DHRS7B: variants seen among roughly 807,000 people sequenced by gnomAD.
DHRS7B encodes the protein dehydrogenase/reductase 7B.
A neutral mutation model predicts 26.4 loss-of-function variants in DHRS7B; 24 were observed. The ratio of observed to expected loss-of-function variants is 0.91; its 90% CI spans 0.66 to 1.28. The LOEUF (loss-of-function observed/expected upper bound fraction) is 1.28. Ranked by LOEUF, DHRS7B falls within the 50% of genes most tolerant of loss-of-function variation. The pLI is 0.00. For synonymous variants in DHRS7B, 142 were observed against 166.4 expected (o/e 0.85, Z 1.13); for missense variants, 368 against 419.4 (o/e 0.88, Z 1.07).
chr17:21,130,608 A>T (rs529225678), intron 1 of DHRS7B, among the ~76,000 whole-genome samples: 1 of 152,248 alleles, frequency 6.6e-6, no homozygotes, highest in South Asian at 2.1e-4. Context: ...TTTTTCAAAG[A>T]AATGCTGTGA....
intron 1 of DHRS7B, chr17:21,168,950 G>T (rs1974175020): frequency 1.0e-6 from 1 of 981,162 alleles, no homozygotes; most frequent in Non-Finnish European, 1.2e-6. Context: ...GTTTTAATTA[G>T]GTTGCATGAA....
chr17:21,178,091 TCC>T, intron 2 of DHRS7B, 140 bp from the exon 3 acceptor site: 1 of 759,046 alleles, frequency 1.3e-6, no homozygotes, highest in South Asian at 1.8e-5. Flanking sequence ...GGGCCCTAGC[TCC>T]CAGCTTCATG....
intron 6 of DHRS7B, among the ~76,000 whole-genome samples, chr17:21,189,090 A>ATGG (rs1974718441): frequency 6.6e-6 from 1 of 152,208 alleles, no homozygotes; most frequent in Non-Finnish European, 1.5e-5. Flanking sequence ...AGCATTCAGA[A>ATGG]CAGGACCTCT....
intron 3 of DHRS7B, among the ~76,000 whole-genome samples, chr17:21,182,213 A>G (rs918788895): frequency 6.6e-6 from 1 of 152,104 alleles, no homozygotes; most frequent in South Asian, 2.1e-4. Flanking sequence ...CCCTCGTTCT[A>G]TTAATGTGAT....
intron 1 of DHRS7B, among the ~76,000 whole-genome samples, chr17:21,157,120 T>G (rs1286819693): frequency 6.6e-6 from 1 of 152,150 alleles, no homozygotes; most frequent in Admixed American, 6.5e-5. Context: ...GATTCACTGA[T>G]GAATTCTACC....
intron 5 of DHRS7B, among the ~76,000 whole-genome samples, chr17:21,187,531 GAGA>G (rs1597760178): frequency 6.6e-6 from 1 of 151,286 alleles, no homozygotes; most frequent in African/African-American, 2.4e-5. Context: ...GAGGCTGAGG[GAGA>G]AGAACGGTGT....
chr17:21,161,706 G>C (rs900125540), intron 1 of DHRS7B, among the ~76,000 whole-genome samples: 1 of 152,214 alleles, frequency 6.6e-6, no homozygotes, highest in African/African-American at 2.4e-5. Context: ...CTGTATGACT[G>C]TCCGAAAGAG....
chr17:21,153,662 G>C (rs1973819478), intron 1 of DHRS7B, among the ~76,000 whole-genome samples: 1 of 152,154 alleles, frequency 6.6e-6, no homozygotes, highest in Non-Finnish European at 1.5e-5. Context: ...CAGGTTCACT[G>C]TCTGGTGAGG....
At chr17:21,145,273 G>A (rs774903932) in intron 1 of DHRS7B, among the ~76,000 whole-genome samples, 7 of 151,718 alleles carry the variant, frequency 4.6e-5, no homozygotes, top group Admixed American at 6.6e-5. Flanking sequence ...GGAGTAAGCC[G>A]GGATCGCGCC....
At chr17:21,143,604 CT>C (rs1206025638) in intron 1 of DHRS7B, among the ~76,000 whole-genome samples, 1 of 152,208 alleles carries the variant, frequency 6.6e-6, no homozygotes, top group African/African-American at 2.4e-5. Context: ...CATAGTTCCT[CT>C]CTCCCTATCA....
chr17:21,176,445 AC>A (rs1974381366), intron 2 of DHRS7B, among the ~76,000 whole-genome samples: 1 of 151,996 alleles, frequency 6.6e-6, no homozygotes, highest in Non-Finnish European at 1.5e-5. Flanking sequence ...CTACAAAAAT[AC>A]AAAAATTAGC....
chr17:21,167,211 C>CTGCAT (rs1974134168), intron 1 of DHRS7B, among the ~76,000 whole-genome samples: 2 of 151,926 alleles, frequency 1.3e-5, no homozygotes, highest in Non-Finnish European at 2.9e-5. Context: ...ATGAGCTGCA[C>CTGCAT]AAATGGATGT....
intron 3 of DHRS7B, among the ~76,000 whole-genome samples, chr17:21,183,134 T>C (rs1486347893): frequency 6.6e-6 from 1 of 152,212 alleles, no homozygotes; most frequent in Non-Finnish European, 1.5e-5. Context: ...TTTCAAGGAA[T>C]GTATCCATTT....
rs548900688 is a variant in DHRS7B at position 21,165,903 on chromosome 17, A to G, written c.21-6115A>G. ...TGCTCTCCAGCCTGGGCAACAGAGCAAGACTCCGTCTCCAAAAAAAAAAAA... is the reference window on the plus strand; with the variant it reads ...TGCTCTCCAGCCTGGGCAACAGAGCGAGACTCCGTCTCCAAAAAAAAAAAA... On this transcript the variant is annotated intron_variant, in intron 1 of 6. Transcript: ENST00000395511. 1.3e-4 allele frequency among the ~76,000 whole-genome samples: 19 copies of G among 141,422 alleles called. No individual in the cohort carries two copies. In the East Asian group the frequency reaches 2.5e-3, roughly 19 times the overall value. 92.8% of individuals were successfully genotyped at this position (141,422 alleles called of 152,430 possible).
At chr17:21,185,982 C>G (rs998548908) in intron 5 of DHRS7B, among the ~76,000 whole-genome samples, 3 of 152,198 alleles carry the variant, frequency 2.0e-5, no homozygotes, top group Non-Finnish European at 4.4e-5. Flanking sequence ...GCCACCGCGC[C>G]CAGCTGGAGT....
rs148330661 is a variant in DHRS7B at position 21,161,608 on chromosome 17, G to A, written c.21-10410G>A. On this transcript the variant is annotated intron_variant, in intron 1 of 6. Coordinates refer to ENST00000395511, the MANE Select transcript of DHRS7B (RefSeq NM_015510.5). Reference sequence around the variant, plus strand: ...CATTATCTTGAATCCCCAGGAAGAGGGCCTTGTGAGAGAAATAAGAAGAGA... The same window carrying A: ...CATTATCTTGAATCCCCAGGAAGAGAGCCTTGTGAGAGAAATAAGAAGAGA... 2.6e-5 allele frequency among the ~76,000 whole-genome samples: 4 copies of A among 152,236 alleles called. No homozygotes were observed. In the East Asian group the frequency reaches 7.7e-4, roughly 29 times the overall value.
rs61516968 is a variant in DHRS7B at position 21,150,105 on chromosome 17, T to TAAAAAAA, written c.21-21892_21-21886dup. On this transcript the variant is annotated intron_variant, in intron 1 of 6. Coordinates refer to ENST00000395511, the MANE Select transcript of DHRS7B (RefSeq NM_015510.5). Reference sequence around the variant, plus strand: ...AACATAACAAGGCTCCATCTCTATTTAAAAAAAAAAAAAAAAAAAAAAAAA... The same window carrying TAAAAAAA: ...AACATAACAAGGCTCCATCTCTATTTAAAAAAAAAAAAAAAAAAAAAAAAAAAAAAAA... 1.5e-3 allele frequency among the ~76,000 whole-genome samples: 77 copies of TAAAAAAA among 50,034 alleles called. 2 individuals are homozygous for TAAAAAAA. The highest frequency in any genetic ancestry group is 5.4e-3 in the African/African-American group (72 of 13,292). The allele number at this position is 50,034 out of a possible 152,430, so 32.8% of individuals were successfully genotyped here.
At chr17:21,179,007 C>T (rs987554356) in intron 3 of DHRS7B, among the ~76,000 whole-genome samples, 3 of 152,196 alleles carry the variant, frequency 2.0e-5, no homozygotes, top group African/African-American at 7.2e-5. Context: ...TGCAGTGGCA[C>T]AGTCATAGCT....
chr17:21,151,478 A>C (rs1347864706), intron 1 of DHRS7B, among the ~76,000 whole-genome samples: 6 of 150,074 alleles, frequency 4.0e-5, no homozygotes. Flanking sequence ...ACACCACTGC[A>C]CTCCAGCCTG....
Sources: gnomAD v4.1 joint callset for allele counts (sites outside exome capture counted in the v4.1 genomes callset) on GRCh38, gnomAD v4.1.1 for gene constraint, MANE v1.5 for transcripts, NCBI Gene and HGNC (gene_info 2026-07-23, HGNC 2026-07-21) for gene names.